Variants in HM13 observed in about 807,000 individuals in gnomAD.
HM13 encodes signal peptide peptidase.
A neutral mutation model predicts 50.0 loss-of-function variants in HM13; 18 were observed. The ratio of observed to expected loss-of-function variants is 0.36; its 90% confidence interval spans 0.25 to 0.53. The LOEUF (loss-of-function observed/expected upper bound fraction) is 0.53. Among genes scored for constraint, HM13 ranks in the 20% least tolerant of loss-of-function variants. The pLI, the probability that HM13 is intolerant of heterozygous loss-of-function variation, is 0.90. For missense variants in HM13, 393 were observed against 552.4 expected, an observed-to-expected ratio of 0.71 and a Z score of 2.89; for synonymous variants, 197 against 232.6, an observed-to-expected ratio of 0.85 and a Z score of 1.39.
intron 4 of HM13, among the ~76,000 whole-genome samples, chr20:31,545,664 G>C (rs1330884388): frequency 6.6e-6 from 1 of 152,134 alleles, no homozygotes; most frequent in African/African-American, 2.4e-5. Flanking sequence ...TTGTAGGTTA[G>C]TTAGGGTATG....
rs190003637 is a variant in HM13 at position 31,539,743 on chromosome 20, C to T, written c.365+1482C>T. ...CTGGGAGGCGGAGGTTGCAGTGAGC[C>T]GAGATTGCACCACTGCATTCCAGCC... is the stretch of plus-strand genomic sequence containing the variant. On this transcript the variant is annotated intron_variant, in intron 3 of 12. Transcript: ENST00000398174. 9.0e-3 allele frequency: 1,369 copies of T among 151,592 alleles called. 10 individuals are homozygous for T. The highest frequency in any genetic ancestry group is 0.014 in the Non-Finnish European group (992 of 68,524). The allele number at this position is 151,592 out of a possible 1,614,324, so 9.4% of individuals were successfully genotyped here. A position where few individuals can be genotyped will look rare whatever the true frequency, so the allele number is the denominator to read the frequency against.
At chr20:31,531,571 C>CT (rs923357949) in intron 2 of HM13, among the ~76,000 whole-genome samples, 1 of 151,906 alleles carries the variant, frequency 6.6e-6, no homozygotes, top group Non-Finnish European at 1.5e-5. Context: ...TATAAATCCT[C>CT]TTTTTTTGTT....
At chr20:31,522,170 A>T (rs1395957416) in intron 1 of HM13, among the ~76,000 whole-genome samples, 1 of 152,216 alleles carries the variant, frequency 6.6e-6, no homozygotes, top group Non-Finnish European at 1.5e-5. Flanking sequence ...GCTGGTTTGT[A>T]GGTGAAGCCA....
chr20:31,556,638 G>A (rs1243820712), intron 8 of HM13, among the ~76,000 whole-genome samples: 1 of 152,194 alleles, frequency 6.6e-6, no homozygotes, highest in Non-Finnish European at 1.5e-5. Context: ...TACGCTGTCA[G>A]AACTGCTCCT....
intron 10 of HM13, 78 bp downstream of exon 10, chr20:31,561,814 GC>G (rs1984633638): frequency 9.8e-7 from 1 of 1,025,020 alleles, no homozygotes; most frequent in East Asian, 2.4e-5. Context: ...ATTTGTAAAT[GC>G]AAGCAGTCCA....
chr20:31,554,921 C>T, intron 8 of HM13, 92 bp downstream of exon 8: 1 of 1,079,128 alleles, frequency 9.3e-7, no homozygotes, highest in Non-Finnish European at 1.4e-6. Flanking sequence ...GGCTTACCAG[C>T]TGAGAAAGAG....
chr20:31,539,943 A>G (rs1983341459), intron 3 of HM13: 1 of 152,202 alleles, frequency 6.6e-6, no homozygotes, highest in Non-Finnish European at 1.5e-5. Context: ...TAAATTACTC[A>G]AGCTCTGAGC....
intron 1 of HM13, among the ~76,000 whole-genome samples, chr20:31,525,916 A>C (rs928167703): frequency 6.6e-6 from 1 of 152,126 alleles, no homozygotes; most frequent in Non-Finnish European, 1.5e-5. Context: ...ACCTGAGGCC[A>C]GGAGTTTGAG....
chr20:31,548,296 C>T (rs936940818), intron 4 of HM13: 13 of 403,564 alleles, frequency 3.2e-5, no homozygotes, highest in South Asian at 6.2e-5. Context: ...CTGTGACTCC[C>T]GGCAAACTCC....
chr20:31,566,888 T>TC (rs1202929378), intron 11 of HM13, among the ~76,000 whole-genome samples: 3 of 152,086 alleles, frequency 2.0e-5, no homozygotes, highest in African/African-American at 4.8e-5. Context: ...CCTGCGTGAC[T>TC]CCAACAGGTG....
chr20:31,536,537 C>T (rs1983117182), intron 2 of HM13, among the ~76,000 whole-genome samples: 1 of 152,138 alleles, frequency 6.6e-6, no homozygotes, highest in African/African-American at 2.4e-5. Flanking sequence ...GCTGTCTGAT[C>T]ATGTCAAACC....
intron 1 of HM13, among the ~76,000 whole-genome samples, chr20:31,525,155 G>A (rs1231595691): frequency 6.6e-6 from 1 of 152,140 alleles, no homozygotes; most frequent in South Asian, 2.1e-4. Context: ...AGGCACAGTG[G>A]TGCATGCCTG....
intron 4 of HM13, among the ~76,000 whole-genome samples, chr20:31,546,821 G>A (rs1983751838): frequency 6.6e-6 from 1 of 151,604 alleles, no homozygotes; most frequent in South Asian, 2.1e-4. Flanking sequence ...CCAACACTTT[G>A]GGAGGCTGAT....
At chr20:31,565,337 G>T (rs566077104) in intron 10 of HM13, among the ~76,000 whole-genome samples, 1 of 151,724 alleles carries the variant, frequency 6.6e-6, no homozygotes, top group Non-Finnish European at 1.5e-5. Context: ...AAATTAGCCA[G>T]GCGTGGTGGC....
chr20:31,519,401 A>G (rs1053319793), intron 1 of HM13, among the ~76,000 whole-genome samples: 6 of 152,238 alleles, frequency 3.9e-5, no homozygotes, highest in African/African-American at 1.4e-4. Flanking sequence ...ACGCCTGGCC[A>G]GTACACTCTT....
At chr20:31,531,024 C>T (rs6058033) in intron 2 of HM13, among the ~76,000 whole-genome samples, 3 of 151,956 alleles carry the variant, frequency 2.0e-5, no homozygotes, top group Non-Finnish European at 4.4e-5. Flanking sequence ...TAGTTTTTTC[C>T]AGTCTGTGAG....
intron 2 of HM13, among the ~76,000 whole-genome samples, chr20:31,528,501 C>T (rs1460156944): frequency 6.6e-6 from 1 of 152,102 alleles, no homozygotes; most frequent in Non-Finnish European, 1.5e-5. Context: ...TTTTTTGAGA[C>T]GGAGTCTCGC....
chr20:31,556,926 G>C (rs1283051207), intron 8 of HM13, among the ~76,000 whole-genome samples: 4 of 151,372 alleles, frequency 2.6e-5, no homozygotes, highest in Non-Finnish European at 5.9e-5. Context: ...GGCTGAGGCA[G>C]GAGAATGGCA....
intron 1 of HM13, among the ~76,000 whole-genome samples, chr20:31,517,867 A>G (rs1265530636): frequency 6.6e-6 from 1 of 152,030 alleles, no homozygotes; most frequent in Non-Finnish European, 1.5e-5. Context: ...ATAAAGGAAA[A>G]GCCTCCTGGG....
Sources: gnomAD v4.1 joint callset for allele counts (sites outside exome capture counted in the v4.1 genomes callset) on GRCh38, gnomAD v4.1.1 for gene constraint, MANE v1.5 for transcripts, NCBI Gene and HGNC (gene_info 2026-07-23, HGNC 2026-07-21) for gene names.